HIBADH: variants seen among roughly 807,000 people sequenced by gnomAD.
HIBADH encodes 3-hydroxyisobutyrate dehydrogenase, mitochondrial.
HIBADH carries 25 observed loss-of-function variants against 36.1 expected under a neutral mutation model. That is an observed-to-expected ratio of 0.69 (90% CI 0.50 to 0.97). HIBADH has a LOEUF of 0.97. Among genes scored for constraint, HIBADH ranks in the 50% least tolerant of loss-of-function variants. The pLI is 0.00. For synonymous variants in HIBADH, 160 were observed against 149.5 expected (o/e 1.07, Z -0.51); for missense variants, 421 against 418.0 (o/e 1.01, Z -0.06).
chr7:27,607,100 G>T (rs1785241833), intron 4 of HIBADH, among the ~76,000 whole-genome samples: 1 of 152,186 alleles, frequency 6.6e-6, no homozygotes, highest in Non-Finnish European at 1.5e-5. Flanking sequence ...GATTTAAGAT[G>T]TAAATGCCGA....
In HIBADH at chr7:27,570,947, C is replaced by T. The variant is rs541614262; in HGVS notation, c.485-27847G>A. Among the ~76,000 whole-genome samples, 3 of 152,204 alleles carry T rather than the reference C, an allele frequency of 2.0e-5. No individual in the cohort carries two copies. In the East Asian group the frequency reaches 5.8e-4, roughly 29 times the overall value. ...AAATTCTCAGATATCATCATGTTGA[C>T]CACTCTCTTCCCATTCTATCTAGAA... On this transcript the variant is annotated intron_variant, in intron 4 of 7. Coordinates refer to ENST00000265395, the MANE Select transcript of HIBADH (RefSeq NM_152740.4).
intron 2 of HIBADH, among the ~76,000 whole-genome samples, chr7:27,643,956 C>T (rs191159910): frequency 3.3e-5 from 5 of 152,202 alleles, no homozygotes; most frequent in Admixed American, 6.5e-5. Flanking sequence ...CCTAAATCCA[C>T]GATGATCTCA....
intron 2 of HIBADH, among the ~76,000 whole-genome samples, chr7:27,634,984 A>C (rs111664036): frequency 2.0e-5 from 3 of 152,318 alleles, no homozygotes; most frequent in African/African-American, 7.2e-5. Flanking sequence ...GCCCGGAAGA[A>C]ATACACAACA....
At chr7:27,638,872 A>T (rs1390345675) in intron 2 of HIBADH, among the ~76,000 whole-genome samples, 1 of 152,238 alleles carries the variant, frequency 6.6e-6, no homozygotes, top group Non-Finnish European at 1.5e-5. Flanking sequence ...GTGAAATGCA[A>T]ATCAAAACCA....
At chr7:27,545,039 A>T (rs539803980) in intron 4 of HIBADH, among the ~76,000 whole-genome samples, 2 of 152,336 alleles carry the variant, frequency 1.3e-5, no homozygotes, top group South Asian at 2.1e-4. Context: ...GTAAGCATCT[A>T]ACTAAAATGG....
At chr7:27,615,666 A>G (rs555439641) in intron 4 of HIBADH, among the ~76,000 whole-genome samples, 42 of 152,316 alleles carry the variant, frequency 2.8e-4, no homozygotes, top group African/African-American at 8.9e-4. Context: ...TAGTCAAATA[A>G]AAGTGTAGCA....
chr7:27,530,009 A>G (rs186347756), intron 7 of HIBADH, among the ~76,000 whole-genome samples: 5 of 152,334 alleles, frequency 3.3e-5, no homozygotes, highest in South Asian at 4.1e-4. Flanking sequence ...GCAATAGAGC[A>G]TTTTAAAATT....
chr7:27,572,273 A>C (rs1376378698), intron 4 of HIBADH, among the ~76,000 whole-genome samples: 2 of 152,236 alleles, frequency 1.3e-5, no homozygotes, highest in Non-Finnish European at 2.9e-5. Flanking sequence ...TGAGAAATGT[A>C]AAGTGCATTT....
In HIBADH at chr7:27,589,212, G is replaced by A. The variant is rs75708921; in HGVS notation, c.484+40159C>T. Among the ~76,000 whole-genome samples the A allele has an allele frequency of 3.9e-3, 597 of 152,242 alleles. 8 individuals carry two copies. Among genetic ancestry groups the A allele is most frequent in the Non-Finnish European group, 3.4e-3 (228 of 67,982 alleles). The stretch of plus-strand genomic sequence containing the variant: ...AATTCAGATTAACAAAAAAGGGTAA[G>A]TATGCTTCTATTACATTTTTAAAAA... On this transcript the variant is annotated intron_variant, in intron 4 of 7. Transcript: ENST00000265395.
At chr7:27,633,476 G>A (rs754566189) in intron 2 of HIBADH, among the ~76,000 whole-genome samples, 2 of 152,056 alleles carry the variant, frequency 1.3e-5, no homozygotes, top group African/African-American at 4.8e-5. Flanking sequence ...TGGGTAACAC[G>A]GTGAGACTCC....
At chr7:27,633,428 C>T (rs761834253) in intron 2 of HIBADH, among the ~76,000 whole-genome samples, 14 of 152,098 alleles carry the variant, frequency 9.2e-5, no homozygotes, top group Non-Finnish European at 1.5e-4. Flanking sequence ...GAGGCCGGAG[C>T]AGAAGGATTG....
At chr7:27,547,084 A>G (rs1258937133) in intron 4 of HIBADH, among the ~76,000 whole-genome samples, 2 of 152,136 alleles carry the variant, frequency 1.3e-5, no homozygotes. Flanking sequence ...ACAAAGCCCT[A>G]CATGATGTGG....
At chr7:27,585,662 A>C (rs371014089) in intron 4 of HIBADH, among the ~76,000 whole-genome samples, 1 of 152,314 alleles carries the variant, frequency 6.6e-6, no homozygotes, top group African/African-American at 2.4e-5. Flanking sequence ...ATTCAAAGAG[A>C]AACAGATCAA....
intron 4 of HIBADH, among the ~76,000 whole-genome samples, chr7:27,570,008 T>G (rs1279980528): frequency 6.6e-6 from 1 of 152,176 alleles, no homozygotes; most frequent in East Asian, 1.9e-4. Context: ...GAAATTTCCC[T>G]TGGAATTCTT....
At chr7:27,534,376 T>C (rs948240175) in intron 6 of HIBADH, among the ~76,000 whole-genome samples, 1 of 152,182 alleles carries the variant, frequency 6.6e-6, no homozygotes, top group African/African-American at 2.4e-5. Context: ...AATCAATCAC[T>C]TATCCATCAA....
intron 4 of HIBADH, among the ~76,000 whole-genome samples, chr7:27,572,386 T>C (rs1396175364): frequency 2.0e-5 from 3 of 152,224 alleles, no homozygotes; most frequent in African/African-American, 7.2e-5. Flanking sequence ...TAGATGGCTA[T>C]GTAAAGAAAC....
At chr7:27,589,436 A>G (rs1176186867) in intron 4 of HIBADH, among the ~76,000 whole-genome samples, 1 of 152,182 alleles carries the variant, frequency 6.6e-6, no homozygotes, top group African/African-American at 2.4e-5. Context: ...AATAATTCCA[A>G]TAGTGATTTT....
chr7:27,584,400 G>A (rs1406287065), intron 4 of HIBADH, among the ~76,000 whole-genome samples: 2 of 151,964 alleles, frequency 1.3e-5, no homozygotes, highest in Non-Finnish European at 2.9e-5. Context: ...TTTCACAAAA[G>A]TCTTTAAGGA....
intron 5 of HIBADH, 127 bp from the exon 6 acceptor site, chr7:27,538,544 A>G (rs968110464): frequency 1.0e-5 from 8 of 770,010 alleles, no homozygotes; most frequent in Non-Finnish European, 1.7e-5. Context: ...GATTTTCTCG[A>G]GTGCGGAAGA....
Sources: allele counts gnomAD v4.1 joint callset (sites outside exome capture counted in the v4.1 genomes callset), GRCh38; gene constraint gnomAD v4.1.1; transcripts MANE v1.5; gene names NCBI Gene and HGNC (gene_info 2026-07-23, HGNC 2026-07-21).